Variants in AGAP1 observed in about 807,000 individuals in gnomAD.
AGAP1 encodes ArfGAP with GTPase domain, ankyrin repeat and PH domain 1, also known as arf-GAP with GTPase, ANK repeat and PH domain-containing protein 1.
Under a neutral mutation model 105.3 loss-of-function variants are expected in AGAP1, and 29 were observed. The ratio of observed to expected loss-of-function variants is 0.28; its 90% CI spans 0.21 to 0.38. The LOEUF is 0.38. Ranked by LOEUF, AGAP1 falls within the 10% of genes least tolerant of loss-of-function variation. The pLI, the probability that AGAP1 is intolerant of heterozygous loss-of-function variation, is 1.00. For missense variants in AGAP1, 998 were observed against 1,165.1 expected, an observed-to-expected ratio of 0.86 and a Z score of 2.09; for synonymous variants, 509 against 485.9, an observed-to-expected ratio of 1.05 and a Z score of -0.63.
chr2:235,723,822 G>C lies in AGAP1; in HGVS notation c.310+6178G>C, dbSNP rs949011311. Reference sequence around the variant, plus strand: ...GGTTGGTCGATCGACAGAGACTTAAGAATGTTCATAGACCAACTCCAAGCT... The same window carrying C: ...GGTTGGTCGATCGACAGAGACTTAACAATGTTCATAGACCAACTCCAAGCT... On this transcript the variant is annotated intron_variant, in intron 3 of 17. Transcript: ENST00000304032. This position sits in a 1 kb window ranked among gnomAD's most constrained non-coding sequence, Gnocchi z 6.2. 6.6e-6 allele frequency among the ~76,000 whole-genome samples: 1 copy of C among 151,398 alleles called. No homozygotes were observed. The highest frequency in any genetic ancestry group is 2.4e-5 in the African/African-American group (1 of 41,116).
intron 1 of AGAP1, among the ~76,000 whole-genome samples, chr2:235,568,114 T>G (rs530488319): frequency 1.3e-5 from 2 of 152,244 alleles, no homozygotes; most frequent in Non-Finnish European, 2.9e-5. Flanking sequence ...ATGTCTCTAG[T>G]GCCCTCAGGG....
chr2:236,010,915 C>T (rs6431418), intron 13 of AGAP1, among the ~76,000 whole-genome samples: 98,260 of 151,972 alleles, frequency 0.65, 32,973 homozygotes, highest in African/African-American at 0.82. Context: ...GGCGTGGTGG[C>T]GGGCACTCGT....
At chr2:236,034,793 A>C (rs1423866067) in intron 13 of AGAP1, among the ~76,000 whole-genome samples, 1 of 152,212 alleles carries the variant, frequency 6.6e-6, no homozygotes, top group Non-Finnish European at 1.5e-5. Context: ...TGCAGCCCCC[A>C]GAATATGCCC....
chr2:235,955,299 C>A (rs1312000496), intron 12 of AGAP1, among the ~76,000 whole-genome samples: 1 of 152,094 alleles, frequency 6.6e-6, no homozygotes, highest in Admixed American at 6.5e-5. Flanking sequence ...GGGACCTCTC[C>A]ATCAGCACGT....
chr2:235,985,022 C>A (rs1472581625), intron 13 of AGAP1, among the ~76,000 whole-genome samples: 8 of 152,184 alleles, frequency 5.3e-5, no homozygotes, highest in South Asian at 2.1e-4. Context: ...CTTGAGGAAT[C>A]GCCATACTGT....
rs2125387235 is a variant in AGAP1 at position 235,976,704 on chromosome 2, C to G, written c.1645+8081C>G. On this transcript the variant is annotated intron_variant, in intron 13 of 17. Coordinates refer to ENST00000304032, the MANE Select transcript of AGAP1 (RefSeq NM_001037131.3). This position sits in a 1 kb window ranked among gnomAD's most constrained non-coding sequence, Gnocchi z 4.5. The stretch of plus-strand genomic sequence containing the variant: ...GACACACATAGACCAGTGGAGAAAG[C>G]AGAAACACGCCGGGGAACTTGGTTA... 6.6e-6 allele frequency among the ~76,000 whole-genome samples: 1 copy of G among 152,264 alleles called. No individual in the cohort carries two copies. Among genetic ancestry groups the G allele is most frequent in the East Asian group, 1.9e-4 (1 of 5,172 alleles).
chr2:235,718,565 C>G (rs1951231470), intron 3 of AGAP1, among the ~76,000 whole-genome samples: 1 of 152,106 alleles, frequency 6.6e-6, no homozygotes, highest in Admixed American at 6.6e-5. Flanking sequence ...CCTTAGTTGT[C>G]TTTTTAGCAG....
chr2:235,549,407 A>T lies in AGAP1; in HGVS notation c.163+54558A>T, dbSNP rs2149111377. On this transcript the variant is annotated intron_variant, in intron 1 of 17. Transcript: ENST00000304032. The surrounding 1 kb of genome is among the most constrained non-coding windows in gnomAD (Gnocchi z 4.2). ...TCAGAGGACCCCAGAGAGCTCCCCC[A>T]GCTACTTGGAGAGATGCTGTTGAGG... Among the ~76,000 whole-genome samples, 1 of 152,190 alleles carries T rather than the reference A, an allele frequency of 6.6e-6. No individual in the cohort carries two copies. Among genetic ancestry groups the T allele is most frequent in the Non-Finnish European group, 1.5e-5 (1 of 68,000 alleles).
chr2:235,620,346 C>A lies in AGAP1; in HGVS notation c.164-88833C>A, dbSNP rs1946437296. Among the ~76,000 whole-genome samples, 1 of 152,164 alleles carries A rather than the reference C, an allele frequency of 6.6e-6. No individual in the cohort carries two copies. The highest frequency in any genetic ancestry group is 6.5e-5 in the Admixed American group (1 of 15,276). ...CCTGGACAGTCCACTTGCCCAGCAG[C>A]CAGGGGCATCCCTGAGAAGCCGGGT... On this transcript the variant is annotated intron_variant, in intron 1 of 17. Coordinates refer to ENST00000304032, the MANE Select transcript of AGAP1 (RefSeq NM_001037131.3). This position sits in a 1 kb window ranked among gnomAD's most constrained non-coding sequence, Gnocchi z 4.5.
intron 13 of AGAP1, among the ~76,000 whole-genome samples, chr2:236,019,244 C>G (rs7558353): frequency 6.6e-6 from 1 of 151,984 alleles, no homozygotes; most frequent in African/African-American, 2.4e-5. Flanking sequence ...CCATTGCCTG[C>G]GCTGGGTGCT....
intron 9 of AGAP1, among the ~76,000 whole-genome samples, chr2:235,848,448 A>G (rs1022528830): frequency 5.9e-5 from 9 of 152,254 alleles, no homozygotes; most frequent in Admixed American, 5.2e-4. Context: ...TGCCTGTACC[A>G]TATCAGAACA....
Position 235,855,545 on chromosome 2 carries a change from G to A in AGAP1, c.1051-27800G>A, listed in dbSNP as rs149304799. 2.6e-5 allele frequency among the ~76,000 whole-genome samples: 4 copies of A among 152,238 alleles called. No homozygotes were observed. In the South Asian group the frequency reaches 6.2e-4, roughly 24 times the overall value. ...GTTGAGTTATAGTAAATTTAAAATC[G>A]AGCAATTTCTGCTTTAAATATAGGG... On this transcript the variant is annotated intron_variant, in intron 9 of 17. Coordinates refer to ENST00000304032, the MANE Select transcript of AGAP1 (RefSeq NM_001037131.3). This position sits in a 1 kb window ranked among gnomAD's most constrained non-coding sequence, Gnocchi z 5.0.
chr2:235,661,641 G>A (rs1947958611), intron 1 of AGAP1, among the ~76,000 whole-genome samples: 2 of 152,132 alleles, frequency 1.3e-5, no homozygotes, highest in African/African-American at 2.4e-5. Context: ...CTGAATCTCC[G>A]GGAGACATGG....
At chr2:235,727,312 C>G (rs11895896) in intron 3 of AGAP1, among the ~76,000 whole-genome samples, 2 of 151,320 alleles carry the variant, frequency 1.3e-5, no homozygotes, top group Non-Finnish European at 2.9e-5. Flanking sequence ...AGGGTTTGTC[C>G]GTTTTAAACA....
intron 1 of AGAP1, among the ~76,000 whole-genome samples, chr2:235,629,159 CAAT>C (rs1313752368): frequency 6.6e-6 from 1 of 152,040 alleles, no homozygotes; most frequent in Non-Finnish European, 1.5e-5. Context: ...GTGAGAACAA[CAAT>C]GTTTGGTTTT....
chr2:235,543,027 C>G (rs11504875), intron 1 of AGAP1, among the ~76,000 whole-genome samples: 1 of 150,458 alleles, frequency 6.6e-6, no homozygotes, highest in Non-Finnish European at 1.5e-5. Flanking sequence ...ACCTGTTTGT[C>G]GAGTTGAGCC....
chr2:235,682,797 C>CGTGTACGTGTGT (rs1949152833), intron 1 of AGAP1, among the ~76,000 whole-genome samples: 1 of 149,462 alleles, frequency 6.7e-6, no homozygotes, highest in South Asian at 2.1e-4. Flanking sequence ...TGTGTGCACA[C>CGTGTACGTGTGT]GTGTGTGTGT....
At position 235,552,802 on chromosome 2, in the gene AGAP1, T is replaced by C. The variant is rs563878002; in HGVS notation, c.163+57953T>C. ...TCAGAAAGCCAGCTGCAGAATGCAGTGCCTGACAGAGTGTGATGGGCCCCA... is the reference window on the plus strand; with the variant it reads ...TCAGAAAGCCAGCTGCAGAATGCAGCGCCTGACAGAGTGTGATGGGCCCCA... On this transcript the variant is annotated intron_variant, in intron 1 of 17. Coordinates refer to ENST00000304032, the MANE Select transcript of AGAP1 (RefSeq NM_001037131.3). This position sits in a 1 kb window ranked among gnomAD's most constrained non-coding sequence, Gnocchi z 5.9. Among the ~76,000 whole-genome samples, 2 of 152,142 alleles carry C rather than the reference T, an allele frequency of 1.3e-5. No homozygotes were observed. The highest frequency in any genetic ancestry group is 2.4e-5 in the African/African-American group (1 of 41,422).
At chr2:235,496,909 G>A (rs545907896) in intron 1 of AGAP1, among the ~76,000 whole-genome samples, 2 of 152,160 alleles carry the variant, frequency 1.3e-5, no homozygotes, top group African/African-American at 4.8e-5. Flanking sequence ...TCCTGTTTGG[G>A]ACTGGGGTGA....
Sources: allele counts gnomAD v4.1 joint callset (sites outside exome capture counted in the v4.1 genomes callset), GRCh38; gene constraint gnomAD v4.1.1; non-coding constraint Gnocchi (gnomAD v3.1); transcripts MANE v1.5; gene names NCBI Gene and HGNC (gene_info 2026-07-23, HGNC 2026-07-21).